GARIN1B: variants seen among roughly 807,000 people sequenced by gnomAD.
GARIN1B encodes Golgi-associated RAB2 interactor protein 1B.
At chr7:128,709,751 T>TC in the GARIN1B span, among the ~76,000 whole-genome samples, 1 of 926 alleles carries the variant, frequency 1.1e-3, no homozygotes, top group South Asian at 0.022. Context: ...TCTCTCTCTC[T>TC]TTTTTTTTTT....
At chr7:128,729,848 G>C in the GARIN1B span, 2 of 1,583,676 alleles carry the variant, frequency 1.3e-6, no homozygotes, top group Non-Finnish European at 1.7e-6. Flanking sequence ...GCTGTAACCT[G>C]TAAGGGCTCT....
the GARIN1B span, among the ~76,000 whole-genome samples, chr7:128,712,473 C>T: frequency 6.6e-6 from 1 of 152,224 alleles, no homozygotes; most frequent in Non-Finnish European, 1.5e-5. Context: ...CAATAACTCC[C>T]TATGACCCCC....
chr7:128,721,175 A>G, the GARIN1B span, among the ~76,000 whole-genome samples: 1 of 152,122 alleles, frequency 6.6e-6, no homozygotes, highest in Non-Finnish European at 1.5e-5. Flanking sequence ...TTTAATAGCA[A>G]TGGGGTCTTG....
At chr7:128,710,742 T>A in the GARIN1B span, among the ~76,000 whole-genome samples, 1 of 151,604 alleles carries the variant, frequency 6.6e-6, no homozygotes, top group African/African-American at 2.4e-5. Flanking sequence ...TGGAGTGCAA[T>A]GACGCAATCT....
chr7:128,719,483 T>C, the GARIN1B span, among the ~76,000 whole-genome samples: 1 of 151,962 alleles, frequency 6.6e-6, no homozygotes, highest in Non-Finnish European at 1.5e-5. Context: ...TCATTCCCTG[T>C]TCCTACTCCC....
chr7:128,717,522 C>T, the GARIN1B span, among the ~76,000 whole-genome samples: 1 of 150,074 alleles, frequency 6.7e-6, no homozygotes, highest in African/African-American at 2.5e-5. Context: ...TCTTGGCTCA[C>T]TGCAACCTCT....
At chr7:128,731,355 G>A in the GARIN1B span, 3 of 583,014 alleles carry the variant, frequency 5.1e-6, no homozygotes, top group Non-Finnish European at 9.2e-6. Flanking sequence ...TGTGCTCTCA[G>A]AATGGCCGGG....
At chr7:128,723,489 G>T in the GARIN1B span, 2 of 593,710 alleles carry the variant, frequency 3.4e-6, no homozygotes, top group East Asian at 7.1e-5. Flanking sequence ...AAGGCAGATG[G>T]ATTGCTTGAG....
the GARIN1B span, among the ~76,000 whole-genome samples, chr7:128,714,983 G>A: frequency 6.6e-6 from 1 of 152,146 alleles, no homozygotes; most frequent in Non-Finnish European, 1.5e-5. Context: ...CCAGGGTGTC[G>A]GGGGCCCACA....
the GARIN1B span, among the ~76,000 whole-genome samples, chr7:128,726,328 AG>A: frequency 7.2e-5 from 11 of 152,312 alleles, no homozygotes; most frequent in East Asian, 2.1e-3. Flanking sequence ...GTAAGAAATG[AG>A]GGGAGGAAGG....
chr7:128,715,438 A>G, the GARIN1B span: 1 of 1,613,636 alleles, frequency 6.2e-7, no homozygotes, highest in African/African-American at 1.3e-5. Flanking sequence ...GAGCATGTGT[A>G]GAAATGTTGT....
At chr7:128,731,581 T>C in the GARIN1B span, 4 of 174,098 alleles carry the variant, frequency 2.3e-5, no homozygotes, top group Non-Finnish European at 4.9e-5. Context: ...TCTATTTATC[T>C]AATTTAAAAC....
the GARIN1B span, among the ~76,000 whole-genome samples, chr7:128,712,265 G>A: frequency 1.3e-5 from 2 of 152,130 alleles, no homozygotes; most frequent in African/African-American, 4.8e-5. Flanking sequence ...TACTTTTGTA[G>A]GGGTTTTAAT....
the GARIN1B span, among the ~76,000 whole-genome samples, chr7:128,710,728 A>G: frequency 6.7e-6 from 1 of 149,496 alleles, no homozygotes; most frequent in African/African-American, 2.5e-5. Context: ...CTTGTTGCCC[A>G]AGCTGGAGTG....
chr7:128,724,656 G>A, the GARIN1B span: 1 of 1,184,456 alleles, frequency 8.4e-7, no homozygotes, highest in Non-Finnish European at 1.1e-6. Context: ...GGGATCCAGG[G>A]TCCTAGTGCC....
At chr7:128,718,893 T>C in the GARIN1B span, 1 of 1,614,212 alleles carries the variant, frequency 6.2e-7, no homozygotes, top group Non-Finnish European at 8.5e-7. Context: ...ATCCTGCAGT[T>C]GAGGACAGTC....
chr7:128,731,438 G>A, the GARIN1B span: 6 of 441,002 alleles, frequency 1.4e-5, no homozygotes, highest in African/African-American at 2.0e-5. Flanking sequence ...TGGAGGTGAT[G>A]AGAAAGGTGG....
chr7:128,728,049 A>C, the GARIN1B span, among the ~76,000 whole-genome samples: 1 of 152,144 alleles, frequency 6.6e-6, no homozygotes, highest in East Asian at 1.9e-4. Context: ...AAATATCATA[A>C]GATATTTATA....
At chr7:128,723,299 C>T in the GARIN1B span, 1 of 1,612,712 alleles carries the variant, frequency 6.2e-7, no homozygotes, top group African/African-American at 1.3e-5. Context: ...TGCCGACTTA[C>T]ACCAGCAGAA....
Sources: gnomAD v4.1 joint callset for allele counts (sites outside exome capture counted in the v4.1 genomes callset) on GRCh38, gnomAD v4.1.1 for gene constraint, MANE v1.5 for transcripts, NCBI Gene and HGNC (gene_info 2026-07-23, HGNC 2026-07-21) for gene names.